The following SCRG1 variants were observed in gnomAD, a reference collection of about 807,000 sequenced individuals.
SCRG1 encodes the protein scrapie-responsive protein 1.
A neutral mutation model predicts 7.7 loss-of-function variants in SCRG1; 3 were observed. That is an observed-to-expected ratio of 0.39 (90% confidence interval 0.18 to 1.01). SCRG1 has a LOEUF of 1.01. Among genes scored for constraint, SCRG1 ranks in the 50% least tolerant of loss-of-function variants. SCRG1 has a pLI of 0.36. For synonymous variants in SCRG1, 46 were observed against 41.2 expected, an observed-to-expected ratio of 1.12 and a Z score of -0.44; for missense variants, 110 against 117.2, an observed-to-expected ratio of 0.94 and a Z score of 0.28.
the SCRG1 span, chr4:173,469,537 T>C: frequency 2.0e-5 from 3 of 152,232 alleles, no homozygotes; most frequent in Non-Finnish European, 4.4e-5. Flanking sequence ...GATTTTGCTT[T>C]GGTAAGAAGC....
chr4:173,476,152 C>G, the SCRG1 span, among the ~76,000 whole-genome samples: 1 of 151,214 alleles, frequency 6.6e-6, no homozygotes, highest in Non-Finnish European at 1.5e-5. Flanking sequence ...GAGGAGCTGA[C>G]GTTGAAAGCA....
At chr4:173,483,861 T>A in the SCRG1 span, among the ~76,000 whole-genome samples, 70 of 22,798 alleles carry the variant, frequency 3.1e-3, 17 homozygotes, top group East Asian at 0.021. Context: ...TATTTCATAT[T>A]ACATATGTTA....
At chr4:173,398,330 G>A (rs778247546) in intron 1 of SCRG1, 17 of 152,184 alleles carry the variant, frequency 1.1e-4, no homozygotes, top group Non-Finnish European at 1.8e-4. Context: ...CATGCCAGAA[G>A]ATGATATTAA....
chr4:173,457,900 T>A, the SCRG1 span, among the ~76,000 whole-genome samples: 1 of 151,952 alleles, frequency 6.6e-6, no homozygotes, highest in Non-Finnish European at 1.5e-5. Context: ...CCTGAAGGAG[T>A]CATACTGTTT....
chr4:173,441,638 A>G, the SCRG1 span, among the ~76,000 whole-genome samples: 1 of 152,384 alleles, frequency 6.6e-6, no homozygotes, highest in South Asian at 2.1e-4. Flanking sequence ...TTTGTTGAGT[A>G]TTAACTATGT....
the SCRG1 span, among the ~76,000 whole-genome samples, chr4:173,445,096 C>G: frequency 9.1e-6 from 1 of 109,692 alleles, no homozygotes; most frequent in Non-Finnish European, 2.4e-5. Flanking sequence ...CAACTTTTAA[C>G]AGAAATGATA....
At position 173,391,391 on chromosome 4, in the gene SCRG1, G is replaced by A. The variant is rs1273836468; in HGVS notation, c.24C>T (p.Phe8=). The A allele has an allele frequency of 6.2e-7, 1 of 1,614,180 alleles. No homozygotes were observed. The highest frequency in any genetic ancestry group is 1.7e-5 in the Admixed American group (1 of 60,028). MKLMVLV[F]TIGLTLLLGV... Reference sequence around the variant, plus strand: ...CTAGCAGCAAAGTTAGCCCAATGGTGAAAACAAGTACCATCAGTTTCATTT... The same window carrying A: ...CTAGCAGCAAAGTTAGCCCAATGGTAAAAACAAGTACCATCAGTTTCATTT... Residue 8 remains phenylalanine, a synonymous_variant, in exon 2 of 3, where the codon TTC becomes TTT. Transcript: ENST00000296506.
chr4:173,414,868 C>T, the SCRG1 span, among the ~76,000 whole-genome samples: 1 of 152,184 alleles, frequency 6.6e-6, no homozygotes, highest in Non-Finnish European at 1.5e-5. Flanking sequence ...TAGTTGACAT[C>T]GTGCACTCCT....
the SCRG1 span, among the ~76,000 whole-genome samples, chr4:173,491,660 CTG>C: frequency 6.6e-6 from 1 of 152,194 alleles, no homozygotes; most frequent in African/African-American, 2.4e-5. Context: ...GAGGAAATGA[CTG>C]TAATGTTGCA....
the SCRG1 span, among the ~76,000 whole-genome samples, chr4:173,456,301 T>C: frequency 6.6e-6 from 1 of 152,232 alleles, no homozygotes. Context: ...AAAATCTGTA[T>C]GGTAATAAGT....
rs1359348080 is a variant in SCRG1 at position 173,386,507 on chromosome 4, C to T, written c.*1834G>A. ...CTACCTCAAAATTGTTTGGTCCAGC[C>T]CAGTAACACTTATTTACACAGATTA... On this transcript the variant is annotated 3_prime_UTR_variant, in exon 3 of 3. Transcript: ENST00000296506. 1 of 151,978 alleles carries T rather than the reference C, an allele frequency of 6.6e-6. No homozygotes were observed. 9.4% of individuals were successfully genotyped at this position (151,978 alleles called of 1,614,324 possible).
the SCRG1 span, among the ~76,000 whole-genome samples, chr4:173,452,161 AG>A: frequency 0.072 from 10,955 of 151,990 alleles, 687 homozygotes; most frequent in East Asian, 0.3. Context: ...GATTGAACCC[AG>A]GAGGCAGCGG....
the SCRG1 span, among the ~76,000 whole-genome samples, chr4:173,510,293 T>C: frequency 6.6e-6 from 1 of 152,028 alleles, no homozygotes; most frequent in Non-Finnish European, 1.5e-5. The surrounding 1 kb of genome is among the most constrained non-coding windows in gnomAD (Gnocchi z 5.7). Flanking sequence ...GTTTGGTTTG[T>C]TTGGCTAATT....
chr4:173,479,506 T>C, the SCRG1 span, among the ~76,000 whole-genome samples: 1 of 149,522 alleles, frequency 6.7e-6, no homozygotes, highest in South Asian at 2.2e-4. Context: ...AGTGGCATGA[T>C]CTAGGATCAC....
the SCRG1 span, among the ~76,000 whole-genome samples, chr4:173,466,867 C>G: frequency 6.6e-6 from 1 of 152,112 alleles, no homozygotes; most frequent in South Asian, 2.1e-4. Flanking sequence ...TCATTTACTT[C>G]ATTTGAAGTA....
At chr4:173,418,850 TATAAGAC>T in the SCRG1 span, among the ~76,000 whole-genome samples, 13 of 152,120 alleles carry the variant, frequency 8.5e-5, no homozygotes, top group African/African-American at 3.1e-4. Flanking sequence ...TCTCTGGCCA[TATAAGAC>T]ATGCCTGCTT....
At chr4:173,500,965 C>A in the SCRG1 span, among the ~76,000 whole-genome samples, 3 of 152,244 alleles carry the variant, frequency 2.0e-5, no homozygotes, top group Non-Finnish European at 4.4e-5. Flanking sequence ...GCTCTCCTTC[C>A]GGGGAGCAGA....
chr4:173,471,582 G>GA, the SCRG1 span, among the ~76,000 whole-genome samples: 14 of 148,346 alleles, frequency 9.4e-5, no homozygotes, highest in Non-Finnish European at 1.5e-4. Flanking sequence ...ATTTCAGAGT[G>GA]AAAAAAAAAA....
upstream of SCRG1, among the ~76,000 whole-genome samples, chr4:173,399,869 C>G (rs1422608720): frequency 6.6e-6 from 1 of 152,054 alleles, no homozygotes; most frequent in Non-Finnish European, 1.5e-5. Flanking sequence ...TTGGAATTAT[C>G]TAGACAGACA....
Sources: allele counts gnomAD v4.1 joint callset (sites outside exome capture counted in the v4.1 genomes callset), GRCh38; gene constraint gnomAD v4.1.1; non-coding constraint Gnocchi (gnomAD v3.1); transcripts MANE v1.5; gene names NCBI Gene and HGNC (gene_info 2026-07-23, HGNC 2026-07-21).